Variants in ITGB5 observed in about 807,000 individuals in gnomAD.
ITGB5 encodes the protein integrin beta-5.
In ITGB5, 38 loss-of-function variants were observed where a neutral mutation model predicts 84.8. The observed-to-expected ratio is 0.45, with a 90% CI of 0.35 to 0.59. ITGB5 has a LOEUF of 0.59. Among genes scored for constraint, ITGB5 ranks in the 20% least tolerant of loss-of-function variants. ITGB5 has a pLI of 0.01. For synonymous variants in ITGB5, 393 were observed against 414.4 expected, an observed-to-expected ratio of 0.95 and a Z score of 0.63; for missense variants, 905 against 1,034.5, an observed-to-expected ratio of 0.87 and a Z score of 1.72.
At chr3:124,795,213 C>G (rs994281306) in intron 10 of ITGB5, among the ~76,000 whole-genome samples, 3 of 151,650 alleles carry the variant, frequency 2.0e-5, no homozygotes, top group Non-Finnish European at 4.4e-5. Flanking sequence ...AATTCTGGGC[C>G]GGGCACAGTG....
intron 3 of ITGB5, among the ~76,000 whole-genome samples, chr3:124,850,633 T>C (rs1420857363): frequency 1.3e-5 from 2 of 151,644 alleles, no homozygotes; most frequent in African/African-American, 4.8e-5. Context: ...GCATGGCACA[T>C]GTATACATAT....
intron 5 of ITGB5, among the ~76,000 whole-genome samples, chr3:124,841,105 G>A (rs1245998664): frequency 6.6e-6 from 1 of 152,220 alleles, no homozygotes; most frequent in African/African-American, 2.4e-5. Context: ...AAAAGCCAAT[G>A]TATAAATGCA....
chr3:124,832,091 G>C (rs1285053835), intron 5 of ITGB5, among the ~76,000 whole-genome samples: 1 of 152,152 alleles, frequency 6.6e-6, no homozygotes, highest in Non-Finnish European at 1.5e-5. Flanking sequence ...TTCTGATAGA[G>C]AGGAAACTCT....
intron 10 of ITGB5, among the ~76,000 whole-genome samples, chr3:124,782,336 A>G (rs2064017243): frequency 1.3e-5 from 2 of 152,154 alleles, no homozygotes; most frequent in Admixed American, 1.3e-4. Context: ...ACTCCTTACC[A>G]CTATGGGAAG....
chr3:124,779,504 T>G (rs1328736147), intron 10 of ITGB5, among the ~76,000 whole-genome samples: 1 of 151,886 alleles, frequency 6.6e-6, no homozygotes, highest in Non-Finnish European at 1.5e-5. Flanking sequence ...AGGCTGAGGA[T>G]GAAGAGGAGC....
At chr3:124,880,704 G>A (rs1934526757) in intron 1 of ITGB5, among the ~76,000 whole-genome samples, 1 of 152,164 alleles carries the variant, frequency 6.6e-6, no homozygotes. Context: ...GAGGCAGGCA[G>A]ATCACCTGAG....
At chr3:124,891,995 CTGTTA>C (rs1222937513), upstream of ITGB5, among the ~76,000 whole-genome samples, 2 of 151,854 alleles carry the variant, frequency 1.3e-5, no homozygotes, top group Non-Finnish European at 2.9e-5. Context: ...GAAAGAAATT[CTGTTA>C]TATTACAGCA....
Position 124,786,645 on chromosome 3 carries a change from C to T in ITGB5, c.1693+9743G>A, listed in dbSNP as rs1406995475. ...GGGAGCCCTGGAAAGAGGAAGGAAA[C>T]CTTTGAGCAGATCAGACTTGGAGCA... On this transcript the variant is annotated intron_variant, in intron 10 of 14. Coordinates refer to ENST00000296181, the MANE Select transcript of ITGB5 (RefSeq NM_002213.5). 9.9e-5 allele frequency among the ~76,000 whole-genome samples: 15 copies of T among 152,040 alleles called. 1 individual carries two copies. The highest frequency in any genetic ancestry group is 9.8e-4 in the Admixed American group (15 of 15,266).
Position 124,817,551 on chromosome 3 carries a change from G to A in ITGB5, c.1128+70C>T, listed in dbSNP as rs533012881. 5.4e-4 allele frequency: 429 copies of A among 798,270 alleles called. 5 individuals are homozygous for A. The African/African-American group carries it at 6.3e-3, about 12-fold the overall frequency. 49.4% of individuals were successfully genotyped at this position (798,270 alleles called of 1,614,324 possible). ...CGGAGAACTGCCCACCTGAGCCCGC[G>A]GCAGCTGCAGGGCCTCAGTGGGAGA... On this transcript the variant is annotated intron_variant, in intron 8 of 14. Coordinates refer to ENST00000296181, the MANE Select transcript of ITGB5 (RefSeq NM_002213.5).
In ITGB5 at chr3:124,877,124, C is replaced by T. The variant is rs188536170; in HGVS notation, c.71-3593G>A. 6.4e-3 allele frequency among the ~76,000 whole-genome samples: 935 copies of T among 146,802 alleles called. 7 individuals are homozygous for T. The highest frequency in any genetic ancestry group is 0.015 in the South Asian group (69 of 4,516). On this transcript the variant is annotated intron_variant, in intron 1 of 14. Coordinates refer to ENST00000296181, the MANE Select transcript of ITGB5 (RefSeq NM_002213.5). Reference sequence around the variant, plus strand: ...TAGCTGGGACTCCAGGTACACATCACCACACCTGGCTAATTTTTTTTTTTT... The same window carrying T: ...TAGCTGGGACTCCAGGTACACATCATCACACCTGGCTAATTTTTTTTTTTT...
rs574840126 is a variant in ITGB5 at position 124,768,747 on chromosome 3, A to G, written c.2017+266T>C. On this transcript the variant is annotated intron_variant, in intron 12 of 14. Transcript: ENST00000296181. ...CATGGACATATGGACCTAATCCTCT[A>G]GGCTGTATACCTGGGAGTGGAATTG... is the stretch of plus-strand genomic sequence containing the variant. Among the ~76,000 whole-genome samples, 10 of 152,308 alleles carry G rather than the reference A, an allele frequency of 6.6e-5. No homozygotes were observed. The South Asian group carries it at 1.9e-3, about 28-fold the overall frequency.
chr3:124,777,232 A>C (rs2063939031), intron 10 of ITGB5, among the ~76,000 whole-genome samples: 1 of 152,170 alleles, frequency 6.6e-6, no homozygotes, highest in African/African-American at 2.4e-5. Context: ...GGCCATTCCT[A>C]AAAGCTTCCT....
intron 10 of ITGB5, among the ~76,000 whole-genome samples, chr3:124,787,096 C>G (rs1263676420): frequency 6.6e-6 from 1 of 152,174 alleles, no homozygotes; most frequent in African/African-American, 2.4e-5. Flanking sequence ...GTCATTATTT[C>G]CTTCACAAGC....
rs2064666162 is a variant in ITGB5, at chr3:124,819,614, A to G, written c.1038+125T>C. ...TAATTGTTTCCTCCTATTATTTTCC[A>G]TTAGATCAAGACTGGGCTATATTCC... is the stretch of plus-strand genomic sequence containing the variant. On this transcript the variant is annotated intron_variant, in intron 7 of 14. Coordinates refer to ENST00000296181, the MANE Select transcript of ITGB5 (RefSeq NM_002213.5). 12 of 714,578 alleles carry G rather than the reference A, an allele frequency of 1.7e-5. No individual in the cohort carries two copies. The Admixed American group carries it at 2.3e-4, about 14-fold the overall frequency. The allele number at this position is 714,578 out of a possible 1,614,324, so 44.3% of individuals were successfully genotyped here.
At chr3:124,870,730 GAA>G (rs1005362306) in intron 2 of ITGB5, among the ~76,000 whole-genome samples, 5 of 75,484 alleles carry the variant, frequency 6.6e-5, no homozygotes, top group East Asian at 4.4e-4. Flanking sequence ...CATCTCAAAA[GAA>G]AAAAAAAAAA....
chr3:124,800,275 G>C (rs369665192), intron 9 of ITGB5, among the ~76,000 whole-genome samples: 2 of 152,286 alleles, frequency 1.3e-5, no homozygotes, highest in East Asian at 1.9e-4. Context: ...AAGAGCCAAA[G>C]GCATTTAATT....
At chr3:124,871,203 CT>C (rs537784927) in intron 2 of ITGB5, among the ~76,000 whole-genome samples, 3 of 148,604 alleles carry the variant, frequency 2.0e-5, no homozygotes, top group South Asian at 2.1e-4. Context: ...TGAATTGATT[CT>C]TTTTTTTTGA....
upstream of ITGB5, among the ~76,000 whole-genome samples, chr3:124,891,054 T>A (rs1934989887): frequency 6.6e-6 from 1 of 152,210 alleles, no homozygotes; most frequent in South Asian, 2.1e-4. Flanking sequence ...CTGCTAAGCT[T>A]CTGGACCCAA....
At position 124,762,447 on chromosome 3, in the gene ITGB5, T is replaced by A. The variant is rs1438972929; in HGVS notation, c.*1176A>T. 1 of 152,118 alleles carries A rather than the reference T, an allele frequency of 6.6e-6. No homozygotes were observed. The highest frequency in any genetic ancestry group is 1.5e-5 in the Non-Finnish European group (1 of 68,012). 9.4% of individuals were successfully genotyped at this position (152,118 alleles called of 1,614,324 possible). On this transcript the variant is annotated 3_prime_UTR_variant, in exon 15 of 15. Transcript: ENST00000296181. ...GAGAATCAGTTTCCTCTTCTGTACA[T>A]AAGGGGAGAGGGTCAGTCAACCATC... is the stretch of plus-strand genomic sequence containing the variant.
Sources: gnomAD v4.1 joint callset for allele counts (sites outside exome capture counted in the v4.1 genomes callset) on GRCh38, gnomAD v4.1.1 for gene constraint, MANE v1.5 for transcripts, NCBI Gene and HGNC (gene_info 2026-07-23, HGNC 2026-07-21) for gene names.